NR3C1: variants seen among roughly 807,000 people sequenced by gnomAD.
NR3C1 encodes glucocorticoid receptor.
Under a neutral mutation model 74.0 loss-of-function variants are expected in NR3C1, and 14 were observed. That is an observed-to-expected ratio of 0.19 (90% CI 0.12 to 0.30). NR3C1 has a LOEUF of 0.30. NR3C1 is among the 10% of genes least tolerant of loss of function. The pLI is 1.00. For synonymous variants in NR3C1, 308 were observed against 332.5 expected, an observed-to-expected ratio of 0.93 and a Z score of 0.80; for missense variants, 695 against 909.8, an observed-to-expected ratio of 0.76 and a Z score of 3.04.
chr5:143,403,853 C>T, upstream of NR3C1: 1 of 972,774 alleles, frequency 1.0e-6, no homozygotes, highest in Non-Finnish European at 1.2e-6. Context: ...GCGCGGGCCC[C>T]GCCACCCCGG....
At chr5:143,382,316 TTAAAAA>T (rs1239138015) in intron 2 of NR3C1, among the ~76,000 whole-genome samples, 1 of 152,100 alleles carries the variant, frequency 6.6e-6, no homozygotes, top group Non-Finnish European at 1.5e-5. Flanking sequence ...CCCATAAAAA[TTAAAAA>T]TAAATTTTAA....
intron 2 of NR3C1, among the ~76,000 whole-genome samples, chr5:143,363,850 A>G (rs371509559): frequency 6.6e-6 from 1 of 152,284 alleles, no homozygotes; most frequent in East Asian, 1.9e-4. Flanking sequence ...ATCCAGTCTG[A>G]GGAAGTGAAA....
intron 2 of NR3C1, among the ~76,000 whole-genome samples, chr5:143,394,033 C>T (rs1243703273): frequency 6.6e-6 from 1 of 151,554 alleles, no homozygotes; most frequent in Non-Finnish European, 1.5e-5. Flanking sequence ...AACTTTTTTC[C>T]CCTTATATAT....
At chr5:143,302,608 A>G (rs773432069) in intron 4 of NR3C1, among the ~76,000 whole-genome samples, 1 of 152,094 alleles carries the variant, frequency 6.6e-6, no homozygotes, top group Non-Finnish European at 1.5e-5. Flanking sequence ...TTAAAAAAAA[A>G]CATTTTCTAT....
chr5:143,369,627 C>A (rs909625262), intron 2 of NR3C1, among the ~76,000 whole-genome samples: 1 of 152,052 alleles, frequency 6.6e-6, no homozygotes, highest in African/African-American at 2.4e-5. Context: ...TCTATTTATA[C>A]GAAATGTCCA....
intron 1 of NR3C1, among the ~76,000 whole-genome samples, chr5:143,413,580 T>A (rs190994600): frequency 6.6e-6 from 1 of 152,248 alleles, no homozygotes; most frequent in East Asian, 1.9e-4. Flanking sequence ...TCTGGAAAGA[T>A]TATCTCCACC....
At chr5:143,374,485 T>TCG (rs1411505382) in intron 2 of NR3C1, among the ~76,000 whole-genome samples, 1 of 141,986 alleles carries the variant, frequency 7.0e-6, no homozygotes, top group African/African-American at 2.5e-5. Flanking sequence ...AGCGAGACTC[T>TCG]GTCTCAAAAA....
At chr5:143,354,232 C>T (rs567484496) in intron 2 of NR3C1, among the ~76,000 whole-genome samples, 1 of 152,360 alleles carries the variant, frequency 6.6e-6, no homozygotes, top group South Asian at 2.1e-4. Flanking sequence ...TTCGTATCAG[C>T]AAGAAGGCTG....
chr5:143,297,238 G>A (rs1817507708), intron 6 of NR3C1, among the ~76,000 whole-genome samples: 1 of 152,090 alleles, frequency 6.6e-6, no homozygotes, highest in South Asian at 2.1e-4. Flanking sequence ...TTTATGTAAG[G>A]AATGTATGTG....
In NR3C1 at chr5:143,403,222, G is replaced by C; in HGVS notation, c.-25C>G. The stretch of plus-strand genomic sequence containing the variant: ...GCCTCGCTTCTTACCTCTGGCAGAG[G>C]AGCCGCTCGCCCGCCACCGTCCGCA... On this transcript the variant is annotated 5_prime_UTR_variant, in exon 1 of 9. Coordinates refer to ENST00000394464, the MANE Select transcript of NR3C1 (RefSeq NM_000176.3). 1 of 985,432 alleles carries C rather than the reference G, an allele frequency of 1.0e-6. No homozygotes were observed. Among genetic ancestry groups the C allele is most frequent in the South Asian group, 4.7e-5 (1 of 21,288 alleles). The allele number at this position is 985,432 out of a possible 1,614,324, so 61.0% of individuals were successfully genotyped here.
chr5:143,312,736 CT>C (rs1175830991), intron 3 of NR3C1, among the ~76,000 whole-genome samples: 1 of 152,152 alleles, frequency 6.6e-6, no homozygotes, highest in Non-Finnish European at 1.5e-5. Flanking sequence ...AAGTCAGGGA[CT>C]GTCCGTATTA....
intron 1 of NR3C1, among the ~76,000 whole-genome samples, chr5:143,433,993 C>T (rs1022341672): frequency 6.6e-6 from 1 of 152,202 alleles, no homozygotes; most frequent in East Asian, 1.9e-4. Flanking sequence ...ACTTGCCACA[C>T]ACCTTCCTAC....
intron 2 of NR3C1, among the ~76,000 whole-genome samples, chr5:143,355,693 C>T (rs889906475): frequency 6.6e-6 from 1 of 152,052 alleles, no homozygotes; most frequent in African/African-American, 2.4e-5. Context: ...TAAAACCACC[C>T]TTTAAAAACT....
chr5:143,363,637 T>C (rs1832681086), intron 2 of NR3C1, among the ~76,000 whole-genome samples: 1 of 152,064 alleles, frequency 6.6e-6, no homozygotes, highest in Non-Finnish European at 1.5e-5. Context: ...ACATAAACTA[T>C]GTCTAAAGAA....
chr5:143,370,020 C>A (rs990247449), intron 2 of NR3C1, among the ~76,000 whole-genome samples: 2 of 152,084 alleles, frequency 1.3e-5, no homozygotes, highest in African/African-American at 4.8e-5. Flanking sequence ...TTTAAATGAA[C>A]CCAGCTAAGA....
intron 7 of NR3C1, among the ~76,000 whole-genome samples, chr5:143,285,805 A>G (rs1438578370): frequency 1.3e-5 from 2 of 152,116 alleles, no homozygotes; most frequent in Non-Finnish European, 2.9e-5. Flanking sequence ...TAGAAAAGAA[A>G]GGTCTCAATT....
intron 2 of NR3C1, among the ~76,000 whole-genome samples, chr5:143,385,258 T>C (rs546547707): frequency 2.8e-4 from 43 of 152,302 alleles, no homozygotes; most frequent in Non-Finnish European, 4.7e-4. Flanking sequence ...AGGCCTGTGA[T>C]AGGAAGGGCT....
chr5:143,351,320 C>CA (rs1257258683), intron 2 of NR3C1, among the ~76,000 whole-genome samples: 2 of 152,120 alleles, frequency 1.3e-5, no homozygotes, highest in Non-Finnish European at 2.9e-5. Context: ...GCATGATGTT[C>CA]AAAGCCTTCC....
intron 2 of NR3C1, among the ~76,000 whole-genome samples, chr5:143,357,860 TCTC>T (rs1251612074): frequency 6.6e-6 from 1 of 152,238 alleles, no homozygotes; most frequent in Non-Finnish European, 1.5e-5. Context: ...CCCTTCATCT[TCTC>T]TTATTACTCC....
Sources: allele counts gnomAD v4.1 joint callset (sites outside exome capture counted in the v4.1 genomes callset), GRCh38; gene constraint gnomAD v4.1.1; transcripts MANE v1.5; gene names NCBI Gene and HGNC (gene_info 2026-07-23, HGNC 2026-07-21).